Variants in LRP1B observed in about 807,000 individuals in gnomAD.
LRP1B encodes low-density lipoprotein receptor-related protein 1B.
In LRP1B, 217 loss-of-function variants were observed where a neutral mutation model predicts 556.6. The observed-to-expected ratio is 0.39, with a 90% CI of 0.35 to 0.44. The LOEUF is 0.44. LRP1B is among the 20% of genes least tolerant of loss of function. LRP1B has a pLI of 1.00. For synonymous variants in LRP1B, 2,047 were observed against 1,865.8 expected (o/e 1.10, Z -2.50); for missense variants, 5,053 against 5,620.8 (o/e 0.90, Z 3.23).
intron 51 of LRP1B, among the ~76,000 whole-genome samples, chr2:140,511,883 T>A: frequency 6.6e-6 from 1 of 152,162 alleles, no homozygotes; most frequent in East Asian, 1.9e-4. Flanking sequence ...CCACAGAAAA[T>A]ATTTTTATAT....
intron 1 of LRP1B, among the ~76,000 whole-genome samples, chr2:141,944,352 T>A (rs1317979408): frequency 6.6e-6 from 1 of 152,194 alleles, no homozygotes; most frequent in East Asian, 1.9e-4. Context: ...CTCTTAAATG[T>A]GAAAGTCCCA....
intron 21 of LRP1B, among the ~76,000 whole-genome samples, chr2:140,918,459 G>T (rs1559193967): frequency 6.6e-6 from 1 of 151,946 alleles, no homozygotes; most frequent in Non-Finnish European, 1.5e-5. Context: ...GTGGAATTGT[G>T]GGTAAAATTG....
chr2:140,333,070 G>C (rs904760706), intron 79 of LRP1B, among the ~76,000 whole-genome samples: 1 of 151,916 alleles, frequency 6.6e-6, no homozygotes, highest in Non-Finnish European at 1.5e-5. Context: ...CCATTCTCTT[G>C]AATTGTTTCT....
In LRP1B at chr2:141,810,145, G is replaced by T. The variant is rs541874105; in HGVS notation, c.205+134C>A. The T allele has an allele frequency of 8.9e-6, 4 of 451,352 alleles. No homozygotes were observed. In the Admixed American group the frequency reaches 2.0e-4, roughly 23 times the overall value. 28.0% of individuals were successfully genotyped at this position (451,352 alleles called of 1,614,324 possible). A position where few individuals can be genotyped will look rare whatever the true frequency, so the allele number is the denominator to read the frequency against. Reference sequence around the variant, plus strand: ...AGAAAGAAAGAAAGAAAGAAAGAAAGAAAGAAAGAAAGAAAGAAAGAAGGA... The same window carrying T: ...AGAAAGAAAGAAAGAAAGAAAGAAATAAAGAAAGAAAGAAAGAAAGAAGGA... On this transcript the variant is annotated intron_variant, in intron 2 of 90. Coordinates refer to ENST00000389484, the MANE Select transcript of LRP1B (RefSeq NM_018557.3).
intron 1 of LRP1B, among the ~76,000 whole-genome samples, chr2:141,846,321 A>C (rs1177421291): frequency 6.6e-6 from 1 of 151,646 alleles, no homozygotes. Context: ...TATATGATAA[A>C]TTAAAAAGAA....
chr2:140,851,100 TAGAA>T (rs555040172), intron 28 of LRP1B, among the ~76,000 whole-genome samples: 12 of 152,170 alleles, frequency 7.9e-5, no homozygotes, highest in African/African-American at 1.2e-4. Flanking sequence ...AAATTATTAA[TAGAA>T]AGCAAAAAAT....
intron 54 of LRP1B, among the ~76,000 whole-genome samples, chr2:140,502,181 T>A: frequency 6.6e-6 from 1 of 151,998 alleles, no homozygotes; most frequent in East Asian, 1.9e-4. Context: ...AAGAATGAGT[T>A]CAAAAGTTTA....
intron 10 of LRP1B, among the ~76,000 whole-genome samples, chr2:141,050,776 G>T (rs1357425408): frequency 1.3e-5 from 2 of 151,940 alleles, no homozygotes; most frequent in Non-Finnish European, 2.9e-5. Context: ...GCCAAAGTTG[G>T]CAAATGGGAT....
chr2:141,169,707 T>C (rs982800376), intron 7 of LRP1B, among the ~76,000 whole-genome samples: 4 of 145,306 alleles, frequency 2.8e-5, no homozygotes, highest in African/African-American at 1.0e-4. Flanking sequence ...CCAATGTCAG[T>C]AAGATTTAAA....
At chr2:141,180,122 C>A (rs2105169414) in intron 7 of LRP1B, among the ~76,000 whole-genome samples, 1 of 151,752 alleles carries the variant, frequency 6.6e-6, no homozygotes, top group African/African-American at 2.4e-5. Context: ...TAAATCACTG[C>A]TTAGCATTTT....
At position 141,810,259 on chromosome 2, in the gene LRP1B, A is replaced by G; in HGVS notation, c.205+20T>C. 6.2e-7 allele frequency: 1 copy of G among 1,612,194 alleles called. No homozygotes were observed. Among genetic ancestry groups the G allele is most frequent in the Non-Finnish European group, 8.5e-7 (1 of 1,178,762 alleles). On this transcript the variant is annotated intron_variant, in intron 2 of 90. Coordinates refer to ENST00000389484, the MANE Select transcript of LRP1B (RefSeq NM_018557.3). ...CACATGTAAGGTAAATCCGAATGGC[A>G]TGAGAACCTTTCTACTCACAGGTAT...
intron 3 of LRP1B, among the ~76,000 whole-genome samples, chr2:141,453,339 T>A (rs778160758): frequency 6.6e-6 from 1 of 152,204 alleles, no homozygotes; most frequent in Non-Finnish European, 1.5e-5. Context: ...TTAACACTAT[T>A]CCATTCACCT....
At chr2:141,304,226 C>T (rs925536071) in intron 3 of LRP1B, among the ~76,000 whole-genome samples, 2 of 152,010 alleles carry the variant, frequency 1.3e-5, no homozygotes, top group African/African-American at 4.8e-5. Flanking sequence ...TCATTTTACT[C>T]TGATGATTGT....
At chr2:140,305,289 C>A (rs1482088627) in intron 83 of LRP1B, among the ~76,000 whole-genome samples, 1 of 152,172 alleles carries the variant, frequency 6.6e-6, no homozygotes, top group Non-Finnish European at 1.5e-5. Context: ...TATCCATGAG[C>A]ATGGAAATTT....
chr2:141,396,838 C>A (rs779898271), intron 3 of LRP1B, among the ~76,000 whole-genome samples: 7 of 151,852 alleles, frequency 4.6e-5, no homozygotes, highest in African/African-American at 1.7e-4. Context: ...AAAGAGGATG[C>A]GTGGCCGGGC....
rs1701929977 is a variant in LRP1B at position 141,977,872 on chromosome 2, A to AC, written c.82+152775_82+152776insG. 2.6e-5 allele frequency among the ~76,000 whole-genome samples: 4 copies of AC among 152,268 alleles called. No individual in the cohort carries two copies. In the South Asian group the frequency reaches 8.3e-4, roughly 32 times the overall value. On this transcript the variant is annotated intron_variant, in intron 1 of 90. Coordinates refer to ENST00000389484, the MANE Select transcript of LRP1B (RefSeq NM_018557.3). Reference sequence around the variant, plus strand: ...TGTTTCTATTCTCTGTGGTTCATACAAGCCTAACTTAAAATATCCATTATT... The same window carrying AC: ...TGTTTCTATTCTCTGTGGTTCATACACAGCCTAACTTAAAATATCCATTATT...
intron 5 of LRP1B, among the ~76,000 whole-genome samples, chr2:141,235,732 G>A (rs1363654082): frequency 6.6e-6 from 1 of 152,096 alleles, no homozygotes; most frequent in Non-Finnish European, 1.5e-5. Flanking sequence ...GCCAGACACT[G>A]TAATACATGG....
chr2:141,359,233 G>T (rs372848192), intron 3 of LRP1B, among the ~76,000 whole-genome samples: 3 of 77,300 alleles, frequency 3.9e-5, no homozygotes, highest in African/African-American at 1.4e-4. Flanking sequence ...AAAAGCAGAA[G>T]AAATAAAATA....
At chr2:141,524,750 C>A (rs1309132038) in intron 2 of LRP1B, among the ~76,000 whole-genome samples, 2 of 150,826 alleles carry the variant, frequency 1.3e-5, no homozygotes, top group Non-Finnish European at 2.9e-5. Flanking sequence ...ACCCCATCAA[C>A]TCTTATGAAA....
Sources: allele counts gnomAD v4.1 joint callset (sites outside exome capture counted in the v4.1 genomes callset), GRCh38; gene constraint gnomAD v4.1.1; transcripts MANE v1.5; gene names NCBI Gene and HGNC (gene_info 2026-07-23, HGNC 2026-07-21).